The following LPP variants were observed in gnomAD, a reference collection of about 807,000 sequenced individuals.
LPP encodes the protein LIM domain containing preferred translocation partner in lipoma.
A neutral mutation model predicts 60.4 loss-of-function variants in LPP; 38 were observed. The ratio of observed to expected loss-of-function variants is 0.63; its 90% CI spans 0.49 to 0.83. The LOEUF (loss-of-function observed/expected upper bound fraction) is 0.83. Ranked by LOEUF, LPP falls within the 40% of genes least tolerant of loss-of-function variation. The pLI is 0.00. For missense variants in LPP, 902 were observed against 783.6 expected, an observed-to-expected ratio of 1.15 and a Z score of -1.80; for synonymous variants, 328 against 290.8, an observed-to-expected ratio of 1.13 and a Z score of -1.30.
intron 4 of LPP, among the ~76,000 whole-genome samples, chr3:188,412,619 C>T (rs1785175093): frequency 6.6e-6 from 1 of 152,124 alleles, no homozygotes. Context: ...TAAATGCTTT[C>T]GTTTATTAAA....
chr3:188,406,028 G>A, intron 3 of LPP, 84 bp from the exon 4 acceptor site: 1 of 1,212,364 alleles, frequency 8.2e-7, no homozygotes. Flanking sequence ...ATTTAGTATG[G>A]ATTAAGGTGA....
chr3:188,306,104 G>A (rs973047065), intron 2 of LPP, among the ~76,000 whole-genome samples: 1 of 151,796 alleles, frequency 6.6e-6, no homozygotes, highest in East Asian at 1.9e-4. Flanking sequence ...TTTTTGAGAC[G>A]TAGTCTCACT....
At chr3:188,753,792 T>C (rs1464534194) in intron 8 of LPP, among the ~76,000 whole-genome samples, 2 of 152,126 alleles carry the variant, frequency 1.3e-5, no homozygotes, top group East Asian at 3.9e-4. Flanking sequence ...TGAGTGTGTA[T>C]ATGTATTTGT....
At chr3:188,662,540 C>G (rs911205138) in intron 7 of LPP, among the ~76,000 whole-genome samples, 7 of 152,142 alleles carry the variant, frequency 4.6e-5, no homozygotes, top group Non-Finnish European at 1.0e-4. Flanking sequence ...AATGAGATAA[C>G]AAATAGAGGA....
At chr3:188,585,207 A>C (rs1393004188) in intron 6 of LPP, among the ~76,000 whole-genome samples, 3 of 152,224 alleles carry the variant, frequency 2.0e-5, no homozygotes, top group Non-Finnish European at 4.4e-5. Flanking sequence ...AAAGGTGGAA[A>C]ACATGTTAGA....
chr3:188,557,580 A>T (rs1250721518), intron 6 of LPP, among the ~76,000 whole-genome samples: 1 of 152,096 alleles, frequency 6.6e-6, no homozygotes, highest in East Asian at 1.9e-4. Flanking sequence ...AGGAGTAATA[A>T]GTTTCTAATA....
chr3:188,488,369 C>T (rs1281000667), intron 5 of LPP, among the ~76,000 whole-genome samples: 1 of 147,146 alleles, frequency 6.8e-6, no homozygotes, highest in African/African-American at 2.4e-5. Context: ...TTCTCATTTT[C>T]ATGTGGGAAG....
chr3:188,742,180 CA>C (rs1397248836), intron 8 of LPP, among the ~76,000 whole-genome samples: 2 of 152,238 alleles, frequency 1.3e-5, no homozygotes, highest in African/African-American at 2.4e-5. Flanking sequence ...TTGAAATTCT[CA>C]TACACTGCAG....
chr3:188,228,031 G>A lies in LPP; in HGVS notation c.-67+2504G>A, dbSNP rs554971491. Among the ~76,000 whole-genome samples the A allele has an allele frequency of 3.9e-5, 6 of 152,336 alleles. No individual in the cohort carries two copies. The South Asian group carries it at 1.0e-3, about 26-fold the overall frequency. On this transcript the variant is annotated intron_variant, in intron 2 of 11. Transcript: ENST00000617246. ...CTGGAAGCTCCGTGGGCAACCACAG[G>A]CCTTCTGCAGACCTCTTTAGCCCCC...
At chr3:188,801,043 C>T (rs1747096436) in intron 9 of LPP, among the ~76,000 whole-genome samples, 1 of 152,156 alleles carries the variant, frequency 6.6e-6, no homozygotes, top group Admixed American at 6.5e-5. Context: ...TCCCCTTCCT[C>T]TTCTCCGAAC....
intron 9 of LPP, among the ~76,000 whole-genome samples, chr3:188,864,094 AACTCTT>A (rs1157031598): frequency 1.3e-5 from 2 of 152,116 alleles, no homozygotes; most frequent in Non-Finnish European, 2.9e-5. Context: ...ATCATCTCCA[AACTCTT>A]ACCCTGTGCT....
In LPP at chr3:188,667,343, T is replaced by C. The variant is rs1856006237; in HGVS notation, c.1114-40924T>C. On this transcript the variant is annotated intron_variant, in intron 7 of 11. Coordinates refer to ENST00000617246, the MANE Select transcript of LPP (RefSeq NM_001375462.1). ...AATACAAAAAATTAGCCGGGCGTGG[T>C]GGTGGGCGCCTGTAGTCCCAGCTAC... Among the ~76,000 whole-genome samples the C allele has an allele frequency of 2.0e-5, 3 of 151,704 alleles. No homozygotes were observed. The South Asian group carries it at 6.3e-4, about 32-fold the overall frequency.
chr3:188,866,076 G>A, intron 9 of LPP, 124 bp from the exon 10 acceptor site: 6 of 666,114 alleles, frequency 9.0e-6, no homozygotes, highest in Non-Finnish European at 1.4e-5. Context: ...TGTAAATGGT[G>A]ATAAATGCCT....
At chr3:188,797,138 C>CTCCTCCTCT (rs1475234418) in intron 9 of LPP, among the ~76,000 whole-genome samples, 2 of 149,408 alleles carry the variant, frequency 1.3e-5, no homozygotes, top group Non-Finnish European at 3.0e-5. Flanking sequence ...CCTCCTCCTC[C>CTCCTCCTCT]TCTTCCTCTT....
intron 3 of LPP, among the ~76,000 whole-genome samples, chr3:188,367,480 G>C (rs1771563573): frequency 6.6e-6 from 1 of 152,048 alleles, no homozygotes; most frequent in African/African-American, 2.4e-5. Context: ...GATATATCTG[G>C]TGTGGATAAA....
At chr3:188,395,729 T>C (rs1780782863) in intron 3 of LPP, among the ~76,000 whole-genome samples, 1 of 149,044 alleles carries the variant, frequency 6.7e-6, no homozygotes, top group Non-Finnish European at 1.5e-5. Context: ...AGTTCGAGAC[T>C]AGTGAGACCC....
At chr3:188,792,842 G>A (rs1197136319) in intron 9 of LPP, among the ~76,000 whole-genome samples, 1 of 152,152 alleles carries the variant, frequency 6.6e-6, no homozygotes, top group Non-Finnish European at 1.5e-5. Context: ...ATTTAAGTAA[G>A]TATCAGCTGT....
chr3:188,876,448 T>A lies in LPP; in HGVS notation c.*1969T>A. 5.1e-6 allele frequency: 1 copy of A among 195,694 alleles called. No homozygotes were observed. The highest frequency in any genetic ancestry group is 1.1e-5 in the Non-Finnish European group (1 of 94,034). 12.1% of individuals were successfully genotyped at this position (195,694 alleles called of 1,614,324 possible). A position where few individuals can be genotyped will look rare whatever the true frequency, so the allele number is the denominator to read the frequency against. On this transcript the variant is annotated 3_prime_UTR_variant, in exon 12 of 12. Transcript: ENST00000617246. ...TAGTTCTCTTATCTTTGATCGTATA[T>A]TTCTCATAATGTGAAATATGATGAG...
intron 4 of LPP, among the ~76,000 whole-genome samples, chr3:188,466,839 A>ATATATATATATATATATC (rs1156671514): frequency 7.2e-6 from 1 of 138,928 alleles, no homozygotes; most frequent in Non-Finnish European, 1.6e-5. Flanking sequence ...ATATATATAT[A>ATATATATATATATATATC]TATGCTGTGT....
Sources: gnomAD v4.1 joint callset for allele counts (sites outside exome capture counted in the v4.1 genomes callset) on GRCh38, gnomAD v4.1.1 for gene constraint, MANE v1.5 for transcripts, NCBI Gene and HGNC (gene_info 2026-07-23, HGNC 2026-07-21) for gene names.